RSF1: variants seen among roughly 807,000 people sequenced by gnomAD.
The protein encoded by RSF1 is HBV pX-associated protein 8.
RSF1 carries 13 observed loss-of-function variants against 145.2 expected under a neutral mutation model. The ratio of observed to expected loss-of-function variants is 0.09; its 90% confidence interval spans 0.06 to 0.14. The LOEUF (loss-of-function observed/expected upper bound fraction) is 0.14. Ranked by LOEUF, RSF1 falls within the 10% of genes least tolerant of loss-of-function variation. The pLI, the probability that RSF1 is intolerant of heterozygous loss-of-function variation, is 1.00. For missense variants in RSF1, 1,517 were observed against 1,718.2 expected, an observed-to-expected ratio of 0.88 and a Z score of 2.07; for synonymous variants, 577 against 592.6, an observed-to-expected ratio of 0.97 and a Z score of 0.38.
intron 1 of RSF1, among the ~76,000 whole-genome samples, chr11:77,780,846 CTA>C (rs969705360): frequency 1.5e-4 from 21 of 142,996 alleles, no homozygotes; most frequent in African/African-American, 3.6e-4. Context: ...AAAAAAGAGA[CTA>C]TGACTAAATA....
intron 7 of RSF1, among the ~76,000 whole-genome samples, chr11:77,695,058 C>T (rs1960248814): frequency 6.6e-6 from 1 of 152,156 alleles, no homozygotes; most frequent in South Asian, 2.1e-4. Context: ...TAAAGTACAT[C>T]TGTTGGTTTT....
intron 2 of RSF1, among the ~76,000 whole-genome samples, chr11:77,753,358 C>T (rs2135926225): frequency 6.6e-6 from 1 of 152,204 alleles, no homozygotes; most frequent in South Asian, 2.1e-4. Context: ...TTAATTATTC[C>T]TGGGCTTAAA....
intron 4 of RSF1, 62 bp downstream of exon 4, chr11:77,740,669 T>C (rs2135910339): frequency 6.7e-7 from 1 of 1,484,346 alleles, no homozygotes; most frequent in Non-Finnish European, 9.4e-7. Flanking sequence ...CATCCTAGTT[T>C]TGAAACGAGA....
chr11:77,724,441 C>G (rs1315805095), intron 5 of RSF1, among the ~76,000 whole-genome samples: 1 of 152,166 alleles, frequency 6.6e-6, no homozygotes, highest in African/African-American at 2.4e-5. Flanking sequence ...CAGCATTATT[C>G]ACAACGTCCA....
Position 77,791,041 on chromosome 11 carries a change from G to C in RSF1, c.188-26352C>G, listed in dbSNP as rs972428738. 2.6e-5 allele frequency among the ~76,000 whole-genome samples: 4 copies of C among 152,276 alleles called. No individual in the cohort carries two copies. In the East Asian group the frequency reaches 5.8e-4, roughly 22 times the overall value. ...GCCCCAGGTAGGGGATCTGTGTAGG[G>C]GTTTCAGCTCCACATTTCCCTTCTG... On this transcript the variant is annotated intron_variant, in intron 1 of 15. Coordinates refer to ENST00000308488, the MANE Select transcript of RSF1 (RefSeq NM_016578.4).
At chr11:77,683,213 C>T (rs546031919) in intron 11 of RSF1, among the ~76,000 whole-genome samples, 2 of 152,172 alleles carry the variant, frequency 1.3e-5, no homozygotes, top group South Asian at 4.1e-4. Context: ...ATCGCTTGAA[C>T]CCGAGAGGTG....
rs1565149931 is a variant in RSF1, at chr11:77,692,262, T to TTTTTTG, written c.2821-1025_2821-1024insCAAAAA. ...TTTTTTTTTTTTTTTTTTTTTTTTT[T>TTTTTTG]GAGACGGAGTCTCGCTCTGTTGCCC... On this transcript the variant is annotated intron_variant, in intron 8 of 15. Coordinates refer to ENST00000308488, the MANE Select transcript of RSF1 (RefSeq NM_016578.4). Among the ~76,000 whole-genome samples, 3 of 87,702 alleles carry TTTTTTG rather than the reference T, an allele frequency of 3.4e-5. 1 individual carries two copies. The highest frequency in any genetic ancestry group is 1.9e-4 in the African/African-American group (3 of 15,490). The allele number at this position is 87,702 out of a possible 152,430, so 57.5% of individuals were successfully genotyped here.
At position 77,662,370 on chromosome 11, in the gene RSF1, C is replaced by T. The variant is rs967938105; in HGVS notation, c.*4547G>A. On this transcript the variant is annotated 3_prime_UTR_variant, in exon 16 of 16. Coordinates refer to ENST00000308488, the MANE Select transcript of RSF1 (RefSeq NM_016578.4). ...AAAGGTCCACAAATTGGATCCTCTT[C>T]TAATCGACTTCCAGGAGGGTTTGCA... The T allele has an allele frequency of 6.6e-6, 1 of 152,058 alleles. No homozygotes were observed. The highest frequency in any genetic ancestry group is 1.5e-5 in the Non-Finnish European group (1 of 67,972). 9.4% of individuals were successfully genotyped at this position (152,058 alleles called of 1,614,324 possible). A position where few individuals can be genotyped will look rare whatever the true frequency, so the allele number is the denominator to read the frequency against.
chr11:77,666,615 A>C lies in RSF1; in HGVS notation c.*302T>G. On this transcript the variant is annotated 3_prime_UTR_variant, in exon 16 of 16. Coordinates refer to ENST00000308488, the MANE Select transcript of RSF1 (RefSeq NM_016578.4). ...TTCACAAAGTCAGGAGAGCTCAGGAAATATAAAGTCAAAAATATACAAATC... is the reference window on the plus strand; with the variant it reads ...TTCACAAAGTCAGGAGAGCTCAGGACATATAAAGTCAAAAATATACAAATC... The C allele has an allele frequency of 5.1e-6, 1 of 195,084 alleles. No homozygotes were observed. The highest frequency in any genetic ancestry group is 1.0e-5 in the Non-Finnish European group (1 of 96,570). 12.1% of individuals were successfully genotyped at this position (195,084 alleles called of 1,614,324 possible).
the RSF1 span, chr11:77,869,981 T>C: frequency 1.6e-5 from 9 of 576,304 alleles, no homozygotes; most frequent in South Asian, 4.4e-5. Flanking sequence ...CTCATCAGCG[T>C]TGGGCTCTCC....
At chr11:77,796,668 G>C (rs1018463074) in intron 1 of RSF1, among the ~76,000 whole-genome samples, 1 of 152,100 alleles carries the variant, frequency 6.6e-6, no homozygotes, top group Non-Finnish European at 1.5e-5. Flanking sequence ...GGGCAATCAG[G>C]CAACAGAAAG....
upstream of RSF1, chr11:77,820,747 G>T: frequency 1.3e-6 from 2 of 1,530,360 alleles, no homozygotes; most frequent in Non-Finnish European, 1.8e-6. Flanking sequence ...GAGGCGATGG[G>T]GGGGCGGGGG....
intron 3 of RSF1, among the ~76,000 whole-genome samples, chr11:77,744,516 GC>G (rs1209499953): frequency 2.0e-5 from 3 of 152,164 alleles, no homozygotes; most frequent in Middle Eastern, 6.8e-3. Flanking sequence ...TGTTGCCCAG[GC>G]TGGTGTTGAA....
In RSF1 at chr11:77,752,633, G is replaced by A. The variant is rs139118739; in HGVS notation, c.280-5505C>T. 3.1e-3 allele frequency among the ~76,000 whole-genome samples: 470 copies of A among 152,172 alleles called. 4 individuals are homozygous for A. Among genetic ancestry groups the A allele is most frequent in the African/African-American group, 0.01 (427 of 41,504 alleles). On this transcript the variant is annotated intron_variant, in intron 2 of 15. Transcript: ENST00000308488. Reference sequence around the variant, plus strand: ...TCTTAACCTCACTCTCTGTGTATCTGAGTCCTTGATGTCCCTGGCTGTGAG... The same window carrying A: ...TCTTAACCTCACTCTCTGTGTATCTAAGTCCTTGATGTCCCTGGCTGTGAG...
chr11:77,866,613 G>A, the RSF1 span: 1 of 152,072 alleles, frequency 6.6e-6, no homozygotes, highest in Admixed American at 6.6e-5. Context: ...CTAATCTCCA[G>A]AGGATTATGG....
chr11:77,820,969 TC>T (rs1382864063), upstream of RSF1: 1 of 520,974 alleles, frequency 1.9e-6, no homozygotes, highest in African/African-American at 2.0e-5. Flanking sequence ...CCTTCTCTCC[TC>T]CCCTTCGGGC....
the RSF1 span, among the ~76,000 whole-genome samples, chr11:77,846,671 A>G: frequency 6.6e-6 from 1 of 152,188 alleles, no homozygotes; most frequent in African/African-American, 2.4e-5. Flanking sequence ...GCGCCATTGC[A>G]CTCCATCCTG....
intron 5 of RSF1, among the ~76,000 whole-genome samples, chr11:77,720,657 G>T (rs566519571): frequency 1.3e-5 from 2 of 152,312 alleles, no homozygotes; most frequent in Non-Finnish European, 2.9e-5. Flanking sequence ...TAAAGTTTCA[G>T]ATGTTCCTTG....
rs1348737367 is a variant in RSF1 at position 77,698,483 on chromosome 11, A to T, written c.2715+4T>A. The T allele has an allele frequency of 6.2e-6, 10 of 1,613,398 alleles. No individual in the cohort carries two copies. The highest frequency in any genetic ancestry group is 8.5e-6 in the Non-Finnish European group (10 of 1,179,346). ...AGTATTCTTCATTTACATCAGGTAC[A>T]TACTAGCTCAGGATGGTTTGGAAGG... On this transcript the variant is annotated splice_donor_region_variant and intron_variant, in intron 7 of 15. Coordinates refer to ENST00000308488, the MANE Select transcript of RSF1 (RefSeq NM_016578.4).
Sources: gnomAD v4.1 joint callset for allele counts (sites outside exome capture counted in the v4.1 genomes callset) on GRCh38, gnomAD v4.1.1 for gene constraint, MANE v1.5 for transcripts, NCBI Gene and HGNC (gene_info 2026-07-23, HGNC 2026-07-21) for gene names.